The following ARHGAP44 variants were observed in gnomAD, a reference collection of about 807,000 sequenced individuals.
ARHGAP44 encodes the protein Rho GTPase activating protein 44.
Under a neutral mutation model 106.8 loss-of-function variants are expected in ARHGAP44, and 43 were observed. That is an observed-to-expected ratio of 0.40 (90% CI 0.32 to 0.52). The LOEUF is 0.52. Among genes scored for constraint, ARHGAP44 ranks in the 20% least tolerant of loss-of-function variants. The pLI is 0.48. For missense variants in ARHGAP44, 866 were observed against 1,050.5 expected, an observed-to-expected ratio of 0.82 and a Z score of 2.43; for synonymous variants, 439 against 410.3, an observed-to-expected ratio of 1.07 and a Z score of -0.85.
At chr17:12,973,890 G>A in intron 17 of ARHGAP44, 199 bp from the exon 18 acceptor site, 1 of 639,534 alleles carries the variant, frequency 1.6e-6, no homozygotes, top group Non-Finnish European at 2.8e-6. Flanking sequence ...GGACTGGGCT[G>A]CCCAGGGCTG....
At chr17:12,814,243 T>G (rs2034527252) in intron 1 of ARHGAP44, among the ~76,000 whole-genome samples, 1 of 144,542 alleles carries the variant, frequency 6.9e-6, no homozygotes, top group Non-Finnish European at 1.5e-5. Context: ...GTGTTTTTTT[T>G]TTTTTTTTTT....
intron 1 of ARHGAP44, among the ~76,000 whole-genome samples, chr17:12,826,529 G>C (rs1185023833): frequency 6.6e-6 from 1 of 152,108 alleles, no homozygotes; most frequent in African/African-American, 2.4e-5. Flanking sequence ...GGAGATAATT[G>C]CATTTTTATT....
At chr17:12,889,534 C>T (rs1225254832) in intron 1 of ARHGAP44, among the ~76,000 whole-genome samples, 1 of 152,192 alleles carries the variant, frequency 6.6e-6, no homozygotes, top group Non-Finnish European at 1.5e-5. Context: ...TCCCACTTCT[C>T]AACACCACTG....
intron 1 of ARHGAP44, among the ~76,000 whole-genome samples, chr17:12,808,172 C>T (rs1173855850): frequency 6.6e-6 from 1 of 152,228 alleles, no homozygotes; most frequent in East Asian, 1.9e-4. Flanking sequence ...TTGCAGGCTA[C>T]AGTCCCACTT....
chr17:12,954,096 C>T (rs1300287331), intron 13 of ARHGAP44, among the ~76,000 whole-genome samples: 1 of 150,726 alleles, frequency 6.6e-6, no homozygotes, highest in Non-Finnish European at 1.5e-5. Flanking sequence ...CGGGGTTTCA[C>T]CATGTTAGCC....
intron 1 of ARHGAP44, among the ~76,000 whole-genome samples, chr17:12,812,820 C>CT (rs1051388368): frequency 8.5e-5 from 13 of 152,158 alleles, no homozygotes; most frequent in Non-Finnish European, 1.5e-4. Flanking sequence ...ACTTTCAACT[C>CT]TTTTTTTAAA....
rs58768153 is a variant in ARHGAP44 at position 12,972,374 on chromosome 17, G to A, written c.1524-928G>A. On this transcript the variant is annotated intron_variant, in intron 16 of 20. Transcript: ENST00000379672. ...TAGAAGTCAGTGGATAAGGCCAGGC[G>A]TGGTGGCTCACACCTGTAATCCCAG... Among the ~76,000 whole-genome samples, 930 of 152,218 alleles carry A rather than the reference G, an allele frequency of 6.1e-3. 6 individuals are homozygous for A. The highest frequency in any genetic ancestry group is 0.019 in the African/African-American group (802 of 41,546).
chr17:12,963,409 G>A (rs1310776983), intron 16 of ARHGAP44, among the ~76,000 whole-genome samples: 1 of 152,198 alleles, frequency 6.6e-6, no homozygotes, highest in African/African-American at 2.4e-5. Context: ...CAGCTCCTTG[G>A]AGAGAAATGG....
At chr17:12,915,775 A>C in intron 4 of ARHGAP44, 125 bp from the exon 5 acceptor site, 1 of 750,394 alleles carries the variant, frequency 1.3e-6, no homozygotes, top group South Asian at 1.8e-5. Flanking sequence ...AGCCATGGAG[A>C]TCAGCCAGCT....
chr17:12,826,039 G>C (rs560609501), intron 1 of ARHGAP44, among the ~76,000 whole-genome samples: 5 of 152,248 alleles, frequency 3.3e-5, no homozygotes, highest in Non-Finnish European at 5.9e-5. Context: ...ATTTAAGAGA[G>C]ATCTCTAATT....
intron 2 of ARHGAP44, among the ~76,000 whole-genome samples, 173 bp from the exon 3 acceptor site, chr17:12,896,234 C>T (rs1055904979): frequency 2.6e-5 from 4 of 151,920 alleles, no homozygotes; most frequent in Non-Finnish European, 5.9e-5. Flanking sequence ...ATTGTGCACA[C>T]GTACCTTAGA....
rs1166951509 is a variant in ARHGAP44 at position 12,916,266 on chromosome 17, C to T, written c.387+255C>T. 2.0e-5 allele frequency among the ~76,000 whole-genome samples: 3 copies of T among 152,282 alleles called. No homozygotes were observed. The South Asian group carries it at 6.2e-4, about 32-fold the overall frequency. On this transcript the variant is annotated intron_variant, in intron 5 of 20. Transcript: ENST00000379672. ...TAAGGTGGAAAGCTGGCAGCTTACC[C>T]GCTTCCCCACCCACAGCCTCGACTG...
chr17:12,960,534 C>G (rs2143193829), intron 16 of ARHGAP44, among the ~76,000 whole-genome samples: 1 of 151,768 alleles, frequency 6.6e-6, no homozygotes, highest in African/African-American at 2.4e-5. Context: ...CCATTGCACT[C>G]CAGCCTGGGC....
intron 1 of ARHGAP44, among the ~76,000 whole-genome samples, chr17:12,851,503 T>C (rs538340432): frequency 8.5e-5 from 13 of 152,272 alleles, no homozygotes; most frequent in Admixed American, 3.9e-4. Flanking sequence ...GTTTTGCTCT[T>C]GTTGCCCAGG....
At chr17:12,937,827 G>A (rs921064435) in intron 7 of ARHGAP44, among the ~76,000 whole-genome samples, 12 of 152,116 alleles carry the variant, frequency 7.9e-5, no homozygotes, top group Admixed American at 1.3e-4. Flanking sequence ...TTGGCCAGGC[G>A]TGGTGGCTCA....
At chr17:12,920,354 C>T (rs113512624) in intron 6 of ARHGAP44, among the ~76,000 whole-genome samples, 9,897 of 102,566 alleles carry the variant, frequency 0.096, 871 homozygotes, top group African/African-American at 0.3. Flanking sequence ...CCAGCCTGGG[C>T]GACAGAGCAA....
chr17:12,873,303 C>T (rs1276648261), intron 1 of ARHGAP44, among the ~76,000 whole-genome samples: 1 of 152,164 alleles, frequency 6.6e-6, no homozygotes, highest in East Asian at 1.9e-4. Context: ...CAGATCTTAC[C>T]CAGCCTTCAA....
At position 12,859,529 on chromosome 17, in the gene ARHGAP44, A is replaced by G. The variant is rs188829958; in HGVS notation, c.54-35411A>G. ...AGATTTCGAGTTTGCTTTACTGCCC[A>G]CATTTTGGTTTGGCGCTGGGGCCTA... On this transcript the variant is annotated intron_variant, in intron 1 of 20. Coordinates refer to ENST00000379672, the MANE Select transcript of ARHGAP44 (RefSeq NM_014859.6). Among the ~76,000 whole-genome samples the G allele has an allele frequency of 8.6e-4, 131 of 152,282 alleles. 1 individual carries two copies. The highest frequency in any genetic ancestry group is 2.8e-3 in the African/African-American group (116 of 41,564).
At chr17:12,814,056 A>G (rs1185499349) in intron 1 of ARHGAP44, among the ~76,000 whole-genome samples, 1 of 151,956 alleles carries the variant, frequency 6.6e-6, no homozygotes, top group Middle Eastern at 3.2e-3. Context: ...CAAAAGCTTA[A>G]TTGTCTACAG....
Sources: gnomAD v4.1 joint callset for allele counts (sites outside exome capture counted in the v4.1 genomes callset) on GRCh38, gnomAD v4.1.1 for gene constraint, MANE v1.5 for transcripts, NCBI Gene and HGNC (gene_info 2026-07-23, HGNC 2026-07-21) for gene names.